Variants in ERC2 observed in about 807,000 individuals in gnomAD.
The protein encoded by ERC2 is ELKS/RAB6-interacting/CAST family member 2.
In ERC2, 42 loss-of-function variants were observed where a neutral mutation model predicts 114.8. The ratio of observed to expected loss-of-function variants is 0.37; its 90% CI spans 0.29 to 0.47. The LOEUF (loss-of-function observed/expected upper bound fraction) is 0.47, where lower values mean the gene tolerates loss of function less well. Ranked by LOEUF, ERC2 falls within the 20% of genes least tolerant of loss-of-function variation. The pLI is 0.99. For missense variants in ERC2, 939 were observed against 1,150.7 expected, an observed-to-expected ratio of 0.82 and a Z score of 2.66; for synonymous variants, 454 against 425.5, an observed-to-expected ratio of 1.07 and a Z score of -0.82.
chr3:56,391,237 G>T (rs944943957), intron 2 of ERC2, among the ~76,000 whole-genome samples: 1 of 152,124 alleles, frequency 6.6e-6, no homozygotes, highest in Non-Finnish European at 1.5e-5. Context: ...GAAGGAGGAG[G>T]CTGAATTTCC....
chr3:56,131,092 C>A (rs1273367840), intron 6 of ERC2, among the ~76,000 whole-genome samples: 1 of 152,048 alleles, frequency 6.6e-6, no homozygotes, highest in Non-Finnish European at 1.5e-5. Flanking sequence ...GGTGGTGACC[C>A]CTATAACGAC....
intron 2 of ERC2, among the ~76,000 whole-genome samples, chr3:56,348,905 AAAGAAGGAAGGAAG>A (rs2058428837): frequency 8.2e-5 from 2 of 24,298 alleles, no homozygotes; most frequent in African/African-American, 1.7e-4. Context: ...GGAAGGAAGG[AAAGAAGGAAGGAAG>A]GAAGGAAGGA....
In ERC2 at chr3:55,509,625, G is replaced by A. The variant is rs971839251; in HGVS notation, c.*1691C>T. 6.6e-6 allele frequency: 1 copy of A among 152,528 alleles called. No homozygotes were observed. The highest frequency in any genetic ancestry group is 6.5e-5 in the Admixed American group (1 of 15,270). 9.4% of individuals were successfully genotyped at this position (152,528 alleles called of 1,614,324 possible). On this transcript the variant is annotated 3_prime_UTR_variant, in exon 18 of 18. Transcript: ENST00000288221. ...AAACCTGCTTGAGTATCTTAACCGC[G>A]AATGCACCAAGAAAGAATGGTGCAA...
chr3:56,103,619 A>G (rs1214935657), intron 6 of ERC2, among the ~76,000 whole-genome samples: 3 of 152,150 alleles, frequency 2.0e-5, no homozygotes, highest in Non-Finnish European at 4.4e-5. Context: ...GAGGCAGGAG[A>G]GTGAGAGTGG....
chr3:55,585,143 G>A (rs1400934287), intron 17 of ERC2, among the ~76,000 whole-genome samples: 5 of 152,182 alleles, frequency 3.3e-5, no homozygotes, highest in Admixed American at 6.5e-5. Context: ...TTCAAACAGT[G>A]CCATCCATTC....
chr3:55,858,782 G>A (rs1471493155), intron 14 of ERC2, among the ~76,000 whole-genome samples: 1 of 152,172 alleles, frequency 6.6e-6, no homozygotes, highest in African/African-American at 2.4e-5. Context: ...CAGGGTCCGG[G>A]CCAGCCTCAA....
intron 14 of ERC2, among the ~76,000 whole-genome samples, chr3:55,867,309 C>T (rs2062369525): frequency 6.6e-6 from 1 of 151,952 alleles, no homozygotes; most frequent in Non-Finnish European, 1.5e-5. Context: ...ACACCCACCT[C>T]CCACACACAG....
chr3:56,463,098 C>T (rs2317065), intron 1 of ERC2, among the ~76,000 whole-genome samples: 53,445 of 151,916 alleles, frequency 0.35, 9,696 homozygotes, highest in Admixed American at 0.48. Context: ...CATGGTAGTG[C>T]GCACCTGTAG....
chr3:55,804,543 C>T (rs759317444), intron 14 of ERC2, among the ~76,000 whole-genome samples: 11 of 152,108 alleles, frequency 7.2e-5, no homozygotes, highest in Non-Finnish European at 1.5e-4. Context: ...TCCTTTAATC[C>T]TCTCAGCACT....
chr3:55,938,688 C>A (rs2066599159), intron 13 of ERC2, among the ~76,000 whole-genome samples: 1 of 152,140 alleles, frequency 6.6e-6, no homozygotes, highest in South Asian at 2.1e-4. Flanking sequence ...GATCCTTTCA[C>A]AGCCAAAAAA....
At chr3:55,914,032 TA>T (rs1559862215) in intron 13 of ERC2, among the ~76,000 whole-genome samples, 1 of 144,032 alleles carries the variant, frequency 6.9e-6, no homozygotes, top group East Asian at 2.1e-4. Flanking sequence ...TTTTTTTTTT[TA>T]AAGATAACAC....
chr3:55,635,857 T>TTTTTATTTTATTTTA (rs200062457), intron 17 of ERC2, among the ~76,000 whole-genome samples: 7 of 150,938 alleles, frequency 4.6e-5, no homozygotes, highest in Admixed American at 6.6e-5. Context: ...TTAATTTTTA[T>TTTTTATTTTATTTTA]TTTTATTTTA....
intron 17 of ERC2, among the ~76,000 whole-genome samples, chr3:55,652,025 T>C (rs538763776): frequency 2.4e-4 from 36 of 152,374 alleles, no homozygotes; most frequent in African/African-American, 8.4e-4. Context: ...CTATCAAGAC[T>C]GTGCCACCAC....
chr3:56,167,823 A>G (rs1251051061), intron 4 of ERC2, among the ~76,000 whole-genome samples: 1 of 152,162 alleles, frequency 6.6e-6, no homozygotes, highest in Non-Finnish European at 1.5e-5. Context: ...AACAGGGCAT[A>G]TGTTGGCTGT....
At chr3:55,628,085 G>C (rs1035408570) in intron 17 of ERC2, among the ~76,000 whole-genome samples, 2 of 120,824 alleles carry the variant, frequency 1.7e-5, no homozygotes, top group Non-Finnish European at 3.5e-5. Context: ...ATTGTAAAAA[G>C]TCTCTTTGTA....
At chr3:56,402,820 C>A (rs113759571) in intron 2 of ERC2, among the ~76,000 whole-genome samples, 13 of 152,068 alleles carry the variant, frequency 8.5e-5, no homozygotes, top group African/African-American at 2.9e-4. Flanking sequence ...TATTTTTAAT[C>A]TTTTATTATT....
chr3:55,753,981 T>A (rs1427389077), intron 14 of ERC2, among the ~76,000 whole-genome samples: 1 of 152,228 alleles, frequency 6.6e-6, no homozygotes, highest in African/African-American at 2.4e-5. Flanking sequence ...AGAATCCTAA[T>A]ACACTTATGA....
intron 17 of ERC2, among the ~76,000 whole-genome samples, chr3:55,567,640 G>C (rs918787285): frequency 2.6e-5 from 4 of 152,120 alleles, no homozygotes; most frequent in Admixed American, 2.6e-4. Context: ...GACAGGAGGT[G>C]AGAGAGGAGG....
chr3:55,715,577 G>A (rs897144394), intron 15 of ERC2, among the ~76,000 whole-genome samples: 1 of 152,056 alleles, frequency 6.6e-6, no homozygotes, highest in African/African-American at 2.4e-5. Flanking sequence ...TGTGCCTGGG[G>A]ACACTGCCAG....
Sources: gnomAD v4.1 joint callset for allele counts (sites outside exome capture counted in the v4.1 genomes callset) on GRCh38, gnomAD v4.1.1 for gene constraint, MANE v1.5 for transcripts, NCBI Gene and HGNC (gene_info 2026-07-23, HGNC 2026-07-21) for gene names.